The following KLC1 variants were observed in gnomAD, a reference collection of about 807,000 sequenced individuals.
The protein encoded by KLC1 is kinesin light chain 1.
In KLC1, 30 loss-of-function variants were observed where a neutral mutation model predicts 84.2. That is an observed-to-expected ratio of 0.36 (90% CI 0.27 to 0.48). The LOEUF is 0.48. KLC1 is among the 20% of genes least tolerant of loss of function. The pLI, the probability that KLC1 is intolerant of heterozygous loss-of-function variation, is 0.99. For synonymous variants in KLC1, 289 were observed against 293.3 expected (o/e 0.99, Z 0.15); for missense variants, 499 against 805.4 (o/e 0.62, Z 4.60).
intron 5 of KLC1, among the ~76,000 whole-genome samples, chr14:103,665,802 G>C (rs2079732088): frequency 6.6e-6 from 1 of 152,142 alleles, no homozygotes. Flanking sequence ...TATAGTCCTT[G>C]GTACCTGCTG....
chr14:103,670,369 G>A (rs2080270114), intron 7 of KLC1, 86 bp downstream of exon 7: 12 of 846,118 alleles, frequency 1.4e-5, no homozygotes, highest in Admixed American at 5.1e-5. Flanking sequence ...ATGGAGTCTC[G>A]TTCTGTCACC....
chr14:103,691,862 C>T (rs1001332698), intron 14 of KLC1, among the ~76,000 whole-genome samples: 2 of 151,884 alleles, frequency 1.3e-5, no homozygotes, highest in African/African-American at 2.4e-5. Context: ...GCCTTGACCA[C>T]CTGGGCTCAA....
chr14:103,647,128 A>G (rs529185911), intron 1 of KLC1, among the ~76,000 whole-genome samples: 2 of 152,308 alleles, frequency 1.3e-5, no homozygotes, highest in African/African-American at 2.4e-5. Flanking sequence ...GAATAATACA[A>G]ACATGCTACA....
chr14:103,692,457 C>T (rs1365439147), intron 15 of KLC1, 32 bp downstream of exon 15: 18 of 1,528,388 alleles, frequency 1.2e-5, no homozygotes, highest in Non-Finnish European at 1.5e-5. Context: ...GTGTCCTAGG[C>T]TGCCCAGACC....
At chr14:103,657,205 A>G (rs868683585) in intron 2 of KLC1, among the ~76,000 whole-genome samples, 1 of 152,238 alleles carries the variant, frequency 6.6e-6, no homozygotes, top group African/African-American at 2.4e-5. Context: ...GAAAGGGTCT[A>G]TAAAAAATTA....
At chr14:103,654,903 A>C in intron 2 of KLC1, 78 bp downstream of exon 2, 1 of 1,459,924 alleles carries the variant, frequency 6.8e-7, no homozygotes, top group East Asian at 2.3e-5. Context: ...AAGCAGTTTC[A>C]CTAAAGAAGA....
At chr14:103,667,346 A>T (rs2079952322) in intron 5 of KLC1, among the ~76,000 whole-genome samples, 1 of 151,528 alleles carries the variant, frequency 6.6e-6, no homozygotes, top group Admixed American at 6.6e-5. Context: ...ACCTCGGGTG[A>T]TCTACCCGCC....
chr14:103,654,155 C>A (rs1264250651), intron 1 of KLC1, among the ~76,000 whole-genome samples: 1 of 152,176 alleles, frequency 6.6e-6, no homozygotes, highest in Non-Finnish European at 1.5e-5. Context: ...CTGTGTGACT[C>A]CTTTTCAAGC....
intron 1 of KLC1, among the ~76,000 whole-genome samples, chr14:103,647,887 AAAG>A (rs1163842266): frequency 6.6e-6 from 1 of 151,854 alleles, no homozygotes; most frequent in East Asian, 2.0e-4. Flanking sequence ...AAAAAAAAAA[AAAG>A]AATAGCATTT....
chr14:103,640,612 G>T (rs956064306), intron 1 of KLC1, among the ~76,000 whole-genome samples: 12 of 151,902 alleles, frequency 7.9e-5, no homozygotes, highest in Admixed American at 5.3e-4. Context: ...TGCCCGCCTC[G>T]GCCTCCCAAA....
chr14:103,700,767 G>A (rs771512882), intron 16 of KLC1, 40 bp downstream of exon 16: 2 of 1,480,804 alleles, frequency 1.4e-6, no homozygotes, highest in South Asian at 1.2e-5. Flanking sequence ...GCAGGCAGCT[G>A]GGCCAGGGAG....
Position 103,679,563 on chromosome 14 carries a change from C to A in KLC1, c.1650+18C>A, listed in dbSNP as rs370308314. On this transcript the variant is annotated intron_variant, in intron 13 of 16. Coordinates refer to ENST00000334553, the MANE Select transcript of KLC1 (RefSeq NM_001394837.1). Reference sequence around the variant, plus strand: ...GGAACGGGGTAAGTACAGTACACAGCGGGCACGTGCTCCGGGAGGCGCCCC... The same window carrying A: ...GGAACGGGGTAAGTACAGTACACAGAGGGCACGTGCTCCGGGAGGCGCCCC... The A allele has an allele frequency of 6.9e-6, 11 of 1,589,166 alleles. No individual in the cohort carries two copies. Among genetic ancestry groups the A allele is most frequent in the African/African-American group, 1.3e-5 (1 of 74,398 alleles).
At chr14:103,698,875 G>A (rs750457573) in intron 15 of KLC1, 20 of 1,606,504 alleles carry the variant, frequency 1.2e-5, no homozygotes, top group Admixed American at 1.7e-5. Context: ...GGGGGCAGGT[G>A]GGGGGCAGAG....
intron 2 of KLC1, 35 bp downstream of exon 2, chr14:103,654,860 C>A: frequency 6.3e-7 from 1 of 1,585,742 alleles, no homozygotes. Flanking sequence ...TTATCAGGAA[C>A]TTTTGATGGT....
chr14:103,657,449 TG>T (rs1371204958), intron 2 of KLC1, 96 bp from the exon 3 acceptor site: 4 of 833,602 alleles, frequency 4.8e-6, no homozygotes, highest in Non-Finnish European at 5.8e-6. Flanking sequence ...TATCTGCGAG[TG>T]TAAGCTACAG....
intron 3 of KLC1, among the ~76,000 whole-genome samples, chr14:103,661,432 G>A (rs774415249): frequency 6.6e-6 from 1 of 152,116 alleles, no homozygotes; most frequent in Admixed American, 6.6e-5. Flanking sequence ...GTTGGGGTTC[G>A]TCTAATGCCT....
chr14:103,675,840 C>A, intron 11 of KLC1, 84 bp downstream of exon 11: 2 of 1,098,818 alleles, frequency 1.8e-6, no homozygotes, highest in Non-Finnish European at 2.8e-6. Context: ...TATAAATGAC[C>A]AATGTGTAGT....
intron 5 of KLC1, among the ~76,000 whole-genome samples, chr14:103,665,037 T>C (rs973172749): frequency 6.6e-6 from 1 of 152,054 alleles, no homozygotes; most frequent in Non-Finnish European, 1.5e-5. Context: ...AGTGTGAGAG[T>C]TGACCCACGT....
At chr14:103,638,329 C>T (rs2077204483) in intron 1 of KLC1, among the ~76,000 whole-genome samples, 1 of 152,156 alleles carries the variant, frequency 6.6e-6, no homozygotes, top group African/African-American at 2.4e-5. Flanking sequence ...GTCCTTCATT[C>T]TGTGCACCCA....
Sources: gnomAD v4.1 joint callset for allele counts (sites outside exome capture counted in the v4.1 genomes callset) on GRCh38, gnomAD v4.1.1 for gene constraint, MANE v1.5 for transcripts, NCBI Gene and HGNC (gene_info 2026-07-23, HGNC 2026-07-21) for gene names.